The following CACNB2 variants were observed in gnomAD, a reference collection of about 807,000 sequenced individuals.
CACNB2 encodes voltage-dependent L-type calcium channel subunit beta-2.
In CACNB2, 42 loss-of-function variants were observed where a neutral mutation model predicts 73.3. The observed-to-expected ratio is 0.57, with a 90% CI of 0.45 to 0.74. The LOEUF (loss-of-function observed/expected upper bound fraction) is 0.74, where lower values mean the gene tolerates loss of function less well. Ranked by LOEUF, CACNB2 falls within the 30% of genes least tolerant of loss-of-function variation. The pLI is 0.00. For synonymous variants in CACNB2, 348 were observed against 310.3 expected (o/e 1.12, Z -1.28); for missense variants, 940 against 853.0 (o/e 1.10, Z -1.27).
At chr10:18,348,404 AG>A (rs1234133891) in intron 2 of CACNB2, among the ~76,000 whole-genome samples, 1 of 152,236 alleles carries the variant, frequency 6.6e-6, no homozygotes, top group Non-Finnish European at 1.5e-5. Flanking sequence ...TGGAATACAG[AG>A]GCCCAAGGTG....
At chr10:18,342,632 G>A (rs1368393551) in intron 2 of CACNB2, among the ~76,000 whole-genome samples, 5 of 152,016 alleles carry the variant, frequency 3.3e-5, no homozygotes, top group Non-Finnish European at 7.4e-5. Flanking sequence ...TAACTAATAA[G>A]TATGCTTGAA....
chr10:18,244,191 T>C (rs1371348071), intron 2 of CACNB2, among the ~76,000 whole-genome samples: 2 of 152,178 alleles, frequency 1.3e-5, no homozygotes, highest in Admixed American at 6.5e-5. Flanking sequence ...TTCTGTTACA[T>C]GATAAAAGAG....
At chr10:18,260,844 A>G in intron 2 of CACNB2, 1 of 1,076,400 alleles carries the variant, frequency 9.3e-7, no homozygotes, top group Non-Finnish European at 1.1e-6. Context: ...AGAGTACTGC[A>G]GGGTCGCGAA....
intron 3 of CACNB2, among the ~76,000 whole-genome samples, chr10:18,428,141 G>A (rs2045700219): frequency 6.6e-6 from 1 of 152,104 alleles, no homozygotes; most frequent in Admixed American, 6.5e-5. Context: ...CCAAAGATAT[G>A]CAGGTGATCC....
intron 3 of CACNB2, among the ~76,000 whole-genome samples, chr10:18,469,459 G>A (rs529980374): frequency 1.4e-4 from 22 of 152,306 alleles, no homozygotes; most frequent in African/African-American, 4.8e-4. Context: ...TGGCAAGCAT[G>A]GCAGTTAGCT....
At chr10:18,226,831 C>T (rs1311246252) in intron 2 of CACNB2, among the ~76,000 whole-genome samples, 3 of 152,150 alleles carry the variant, frequency 2.0e-5, no homozygotes, top group African/African-American at 7.2e-5. Context: ...ATTTTAACTC[C>T]TGTCTTTTAA....
intron 2 of CACNB2, among the ~76,000 whole-genome samples, chr10:18,155,160 T>C (rs2031940462): frequency 6.6e-6 from 1 of 152,138 alleles, no homozygotes; most frequent in Admixed American, 6.5e-5. Flanking sequence ...GGTAAAGAAA[T>C]AAGCATTCAG....
chr10:18,221,895 G>A (rs1033977229), intron 2 of CACNB2, among the ~76,000 whole-genome samples: 8 of 152,210 alleles, frequency 5.3e-5, no homozygotes, highest in African/African-American at 1.4e-4. Context: ...TTTCCTTTTG[G>A]AAAGTAGCAT....
chr10:18,470,454 A>G (rs2048124371), intron 3 of CACNB2, among the ~76,000 whole-genome samples: 2 of 150,542 alleles, frequency 1.3e-5, no homozygotes, highest in African/African-American at 4.9e-5. Context: ...TATATTATAT[A>G]GAGACTGATA....
At chr10:18,372,430 G>T (rs1025961361) in intron 2 of CACNB2, among the ~76,000 whole-genome samples, 1 of 152,100 alleles carries the variant, frequency 6.6e-6, no homozygotes, top group Non-Finnish European at 1.5e-5. Flanking sequence ...ATTTTGAGAT[G>T]GAGTTTCACT....
chr10:18,337,661 T>C (rs1398926604), intron 2 of CACNB2, among the ~76,000 whole-genome samples: 2 of 152,300 alleles, frequency 1.3e-5, no homozygotes, highest in Admixed American at 1.3e-4. Context: ...TTCCCCTCAC[T>C]AACGCTTCCA....
At chr10:18,479,687 G>C (rs1304541268) in intron 3 of CACNB2, among the ~76,000 whole-genome samples, 3 of 118,960 alleles carry the variant, frequency 2.5e-5, no homozygotes, top group Non-Finnish European at 5.5e-5. Context: ...AAGTGCGTGT[G>C]TCTCTCTCTC....
chr10:18,259,523 G>A (rs1409996403), intron 2 of CACNB2, among the ~76,000 whole-genome samples: 5 of 136,588 alleles, frequency 3.7e-5, no homozygotes, highest in African/African-American at 1.4e-4. Context: ...TGGCCAACAT[G>A]GTGAAACTCC....
intron 4 of CACNB2, 125 bp from the exon 5 acceptor site, chr10:18,500,687 G>C: frequency 1.0e-6 from 1 of 980,542 alleles, no homozygotes; most frequent in Non-Finnish European, 1.6e-6. Flanking sequence ...AGGGTTTCTT[G>C]AATGATAATA....
chr10:18,464,423 A>T (rs4259738), intron 3 of CACNB2, among the ~76,000 whole-genome samples: 250 of 109,086 alleles, frequency 2.3e-3, no homozygotes, highest in Admixed American at 4.2e-3. Context: ...AAAATTAAAA[A>T]AAAAAAAAAA....
At chr10:18,341,072 A>G in intron 2 of CACNB2, 3 of 1,284,616 alleles carry the variant, frequency 2.3e-6, no homozygotes, top group South Asian at 2.4e-5. Context: ...CTAAAATCAT[A>G]CTAGTTACTT....
chr10:18,190,525 T>C (rs1210975572), intron 2 of CACNB2, among the ~76,000 whole-genome samples: 1 of 152,166 alleles, frequency 6.6e-6, no homozygotes, highest in African/African-American at 2.4e-5. Flanking sequence ...CTGTTAAAAA[T>C]AGTTACTAAT....
chr10:18,453,690 C>T (rs139653591), intron 3 of CACNB2, among the ~76,000 whole-genome samples: 171 of 152,298 alleles, frequency 1.1e-3, no homozygotes, highest in South Asian at 3.3e-3. Flanking sequence ...AGTGCAGTGG[C>T]GCGATCTCGG....
At chr10:18,481,889 ATT>A (rs886246484) in intron 3 of CACNB2, among the ~76,000 whole-genome samples, 1 of 151,882 alleles carries the variant, frequency 6.6e-6, no homozygotes, top group Non-Finnish European at 1.5e-5. Flanking sequence ...GCTGGTCACA[ATT>A]TTTTTTCTGA....
Sources: gnomAD v4.1 joint callset for allele counts (sites outside exome capture counted in the v4.1 genomes callset) on GRCh38, gnomAD v4.1.1 for gene constraint, MANE v1.5 for transcripts, NCBI Gene and HGNC (gene_info 2026-07-23, HGNC 2026-07-21) for gene names.